The following TFDP2 variants were observed in gnomAD, a reference collection of about 807,000 sequenced individuals.
The protein encoded by TFDP2 is transcription factor Dp-2.
Under a neutral mutation model 59.3 loss-of-function variants are expected in TFDP2, and 17 were observed. That is an observed-to-expected ratio of 0.29 (90% confidence interval 0.20 to 0.43). The LOEUF (loss-of-function observed/expected upper bound fraction) is 0.43, where lower values mean the gene tolerates loss of function less well. Ranked by LOEUF, TFDP2 falls within the 20% of genes least tolerant of loss-of-function variation. TFDP2 has a pLI of 1.00. For synonymous variants in TFDP2, 180 were observed against 194.7 expected (o/e 0.92, Z 0.63); for missense variants, 391 against 528.8 (o/e 0.74, Z 2.56).
chr3:142,078,281 C>T (rs1159780304), intron 3 of TFDP2, among the ~76,000 whole-genome samples: 1 of 152,172 alleles, frequency 6.6e-6, no homozygotes, highest in Admixed American at 6.5e-5. Context: ...AACACAAACC[C>T]AGCTGGCTTC....
chr3:141,987,240 C>T (rs1942194533), intron 6 of TFDP2, among the ~76,000 whole-genome samples: 1 of 151,546 alleles, frequency 6.6e-6, no homozygotes, highest in African/African-American at 2.4e-5. Flanking sequence ...TTATTCACTA[C>T]TAAATGTAAT....
Position 142,133,481 on chromosome 3 carries a change from T to C in TFDP2, c.-93+15702A>G, listed in dbSNP as rs533127747. 3.3e-5 allele frequency among the ~76,000 whole-genome samples: 5 copies of C among 149,704 alleles called. 1 individual carries two copies. The East Asian group carries it at 9.7e-4, about 29-fold the overall frequency. On this transcript the variant is annotated intron_variant, in intron 1 of 12. Coordinates refer to ENST00000489671, the MANE Select transcript of TFDP2 (RefSeq NM_001178139.2). ...TCAGCCCTGCAAAGTGCTGGGATTA[T>C]AGGCATGAGCCACTGCACCAGGCCC...
At chr3:141,974,413 A>G (rs1353728824) in intron 7 of TFDP2, among the ~76,000 whole-genome samples, 2 of 152,134 alleles carry the variant, frequency 1.3e-5, no homozygotes, top group Admixed American at 6.6e-5. Context: ...ATAAAACAAA[A>G]TAATCTTAAA....
intron 3 of TFDP2, among the ~76,000 whole-genome samples, chr3:142,020,073 A>G (rs891534721): frequency 1.3e-5 from 2 of 152,348 alleles, no homozygotes; most frequent in South Asian, 2.1e-4. Context: ...TCACAGGTCA[A>G]TTCTAGAAGG....
At chr3:142,013,092 G>A (rs548711478) in intron 3 of TFDP2, among the ~76,000 whole-genome samples, 46 of 152,104 alleles carry the variant, frequency 3.0e-4, no homozygotes, top group Admixed American at 6.5e-5. Flanking sequence ...AGCTAAGATC[G>A]CACCACTTGC....
intron 3 of TFDP2, among the ~76,000 whole-genome samples, chr3:142,057,645 C>T (rs2059787609): frequency 6.6e-6 from 1 of 152,018 alleles, no homozygotes; most frequent in African/African-American, 2.4e-5. Context: ...TATTTTATTC[C>T]AAAAGATAAG....
At chr3:142,106,257 G>A (rs2108658182) in intron 1 of TFDP2, among the ~76,000 whole-genome samples, 1 of 152,228 alleles carries the variant, frequency 6.6e-6, no homozygotes, top group Non-Finnish European at 1.5e-5. Flanking sequence ...GAGAAAGACT[G>A]TAATCACCAA....
At chr3:141,993,710 T>C (rs1203552635) in intron 5 of TFDP2, 125 bp from the exon 6 acceptor site, 5 of 483,250 alleles carry the variant, frequency 1.0e-5, no homozygotes, top group Non-Finnish European at 1.5e-5. Context: ...AACTAGCAAA[T>C]ACAAAAGATA....
rs907603515 is a variant in TFDP2 at position 141,946,600 on chromosome 3, T to G, written c.*5913A>C. The G allele has an allele frequency of 6.6e-6, 1 of 152,234 alleles. No individual in the cohort carries two copies. Among genetic ancestry groups the G allele is most frequent in the Non-Finnish European group, 1.5e-5 (1 of 68,042 alleles). 9.4% of individuals were successfully genotyped at this position (152,234 alleles called of 1,614,324 possible). On this transcript the variant is annotated 3_prime_UTR_variant, in exon 13 of 13. Transcript: ENST00000489671. Reference sequence around the variant, plus strand: ...ACTCACTTTTTCTTCTTTAGCATACTGTGGAGTGAGACATGTGGGAAAATC... The same window carrying G: ...ACTCACTTTTTCTTCTTTAGCATACGGTGGAGTGAGACATGTGGGAAAATC...
intron 3 of TFDP2, among the ~76,000 whole-genome samples, chr3:142,018,233 C>T (rs139865551): frequency 1.1e-4 from 17 of 152,078 alleles, no homozygotes; most frequent in Non-Finnish European, 2.1e-4. Flanking sequence ...CGTCAGCCAC[C>T]GTACCAGGCC....
intron 3 of TFDP2, among the ~76,000 whole-genome samples, chr3:142,053,829 G>T (rs766886962): frequency 5.9e-5 from 9 of 152,108 alleles, no homozygotes; most frequent in African/African-American, 1.9e-4. Context: ...ATCTGCAAAA[G>T]ATTTAAACAC....
At chr3:141,972,744 T>C (rs1408871267) in intron 8 of TFDP2, among the ~76,000 whole-genome samples, 1 of 152,094 alleles carries the variant, frequency 6.6e-6, no homozygotes, top group Non-Finnish European at 1.5e-5. Flanking sequence ...ACATTTCTCT[T>C]CTCCCCGGTG....
intron 10 of TFDP2, among the ~76,000 whole-genome samples, chr3:141,960,276 C>T (rs1937195421): frequency 6.6e-6 from 1 of 152,208 alleles, no homozygotes; most frequent in African/African-American, 2.4e-5. Flanking sequence ...ATGTTAGCTA[C>T]AGCCTACTTC....
At chr3:141,980,182 A>C (rs1307299265) in intron 6 of TFDP2, among the ~76,000 whole-genome samples, 1 of 150,984 alleles carries the variant, frequency 6.6e-6, no homozygotes, top group Admixed American at 6.6e-5. Context: ...TTGGGTTATA[A>C]GTGTGAGCCA....
chr3:142,083,121 G>T (rs2060695901), intron 3 of TFDP2, among the ~76,000 whole-genome samples: 1 of 152,096 alleles, frequency 6.6e-6, no homozygotes, highest in African/African-American at 2.4e-5. Context: ...GAAAAATCTA[G>T]ATTCCACAAA....
rs781186342 is a variant in TFDP2 at position 141,995,131 on chromosome 3, G to A, written c.197C>T (p.Thr66Ile). 5 of 1,595,616 alleles carry A rather than the reference G, an allele frequency of 3.1e-6. No homozygotes were observed. Among genetic ancestry groups the A allele is most frequent in the Non-Finnish European group, 4.3e-6 (5 of 1,171,180 alleles). ...VNVGPQMIIS[T>I]PQRLTSSGSV... is the part of the protein sequence containing the mutation. ...TCCTGAACTGGTTAGTCTCTGTGGT[G>A]TGCTTATAATCTGTAAAGTTAGGAA... Residue 66 changes from threonine (T) to isoleucine (I), a missense_variant, in exon 5 of 13, where the codon ACA becomes ATA. Coordinates refer to ENST00000489671, the MANE Select transcript of TFDP2 (RefSeq NM_001178139.2).
chr3:141,996,256 A>G (rs1432975535), intron 4 of TFDP2, among the ~76,000 whole-genome samples: 1 of 152,224 alleles, frequency 6.6e-6, no homozygotes, highest in Non-Finnish European at 1.5e-5. Flanking sequence ...TAATAGCTTT[A>G]GAAGTATTTT....
chr3:142,024,780 G>A (rs1285453923), intron 3 of TFDP2, among the ~76,000 whole-genome samples: 1 of 152,130 alleles, frequency 6.6e-6, no homozygotes, highest in East Asian at 1.9e-4. Context: ...AGCACTTTGG[G>A]AGGTCGAGGC....
At chr3:142,083,223 C>A (rs1186299857) in intron 3 of TFDP2, among the ~76,000 whole-genome samples, 2 of 151,928 alleles carry the variant, frequency 1.3e-5, no homozygotes, top group Admixed American at 1.3e-4. Context: ...CAACAGTGAA[C>A]AATCTGAAAA....
Sources: gnomAD v4.1 joint callset for allele counts (sites outside exome capture counted in the v4.1 genomes callset) on GRCh38, gnomAD v4.1.1 for gene constraint, MANE v1.5 for transcripts, NCBI Gene and HGNC (gene_info 2026-07-23, HGNC 2026-07-21) for gene names.